SPOCK1: variants seen among roughly 807,000 people sequenced by gnomAD.
The protein encoded by SPOCK1 is SPARC (osteonectin), cwcv and kazal like domains proteoglycan 1, also known as testican-1.
A neutral mutation model predicts 55.3 loss-of-function variants in SPOCK1; 23 were observed. That is an observed-to-expected ratio of 0.42 (90% CI 0.30 to 0.59). SPOCK1 has a LOEUF of 0.59. SPOCK1 is among the 20% of genes least tolerant of loss of function. The pLI, the probability that SPOCK1 is intolerant of heterozygous loss-of-function variation, is 0.22. For missense variants in SPOCK1, 499 were observed against 552.5 expected (o/e 0.90, Z 0.97); for synonymous variants, 226 against 221.0 (o/e 1.02, Z -0.20).
chr5:137,374,849 T>C (rs542405517), intron 2 of SPOCK1, among the ~76,000 whole-genome samples: 1 of 152,246 alleles, frequency 6.6e-6, no homozygotes, highest in African/African-American at 2.4e-5. Context: ...TTTCCAAGAA[T>C]GTACAGCAAG....
intron 9 of SPOCK1, among the ~76,000 whole-genome samples, chr5:136,981,808 G>A (rs1214138842): frequency 2.0e-5 from 3 of 152,180 alleles, no homozygotes; most frequent in Non-Finnish European, 4.4e-5. Context: ...TAGGTTTCAG[G>A]AAGTGGTATG....
chr5:137,301,987 C>G (rs1385571695), intron 2 of SPOCK1, among the ~76,000 whole-genome samples: 3 of 152,212 alleles, frequency 2.0e-5, no homozygotes, highest in African/African-American at 7.2e-5. Flanking sequence ...CATGGCGCTT[C>G]TAAAACAATG....
chr5:137,383,682 A>G (rs892790015), intron 2 of SPOCK1, among the ~76,000 whole-genome samples: 2 of 152,200 alleles, frequency 1.3e-5, no homozygotes, highest in African/African-American at 4.8e-5. Context: ...TGAGATGGAA[A>G]TGATTGATGG....
At chr5:137,150,199 C>T (rs991726954) in intron 3 of SPOCK1, among the ~76,000 whole-genome samples, 20 of 152,158 alleles carry the variant, frequency 1.3e-4, no homozygotes, top group African/African-American at 4.6e-4. Flanking sequence ...TTTTCAACAT[C>T]AAGCATGGGG....
intron 3 of SPOCK1, among the ~76,000 whole-genome samples, chr5:137,195,235 C>A (rs967116261): frequency 5.3e-5 from 8 of 152,308 alleles, no homozygotes; most frequent in Admixed American, 4.6e-4. Context: ...TTTCCAACTC[C>A]CTCTACTCGC....
chr5:137,427,584 T>C (rs942267033), intron 2 of SPOCK1, among the ~76,000 whole-genome samples: 2 of 151,992 alleles, frequency 1.3e-5, no homozygotes, highest in East Asian at 1.9e-4. Flanking sequence ...CCACTCTGGG[T>C]TGGAACCCAG....
At chr5:137,205,092 C>T (rs1158233461) in intron 3 of SPOCK1, among the ~76,000 whole-genome samples, 2 of 152,170 alleles carry the variant, frequency 1.3e-5, no homozygotes, top group Admixed American at 6.5e-5. Flanking sequence ...GAAGTTGATG[C>T]TCCTTTTGCT....
intron 6 of SPOCK1, among the ~76,000 whole-genome samples, chr5:137,039,045 G>A (rs1751938629): frequency 1.3e-5 from 2 of 151,962 alleles, no homozygotes; most frequent in African/African-American, 4.8e-5. Context: ...GATCGTGGTG[G>A]TGGTAATAAT....
rs535949115 is a variant in SPOCK1 at position 136,980,484 on chromosome 5, GGGAGGTAATTGAACA to G, written c.992-1030_992-1016del. The stretch of plus-strand genomic sequence containing the variant: ...CCACGTGTTGTGGGAGGGACCCTGT[GGGAGGTAATTGAACA>G]GGAGGTAATTGAATCATGGGGGCGA... On this transcript the variant is annotated intron_variant, in intron 9 of 10. Coordinates refer to ENST00000394945, the MANE Select transcript of SPOCK1 (RefSeq NM_004598.4). 1.8e-4 allele frequency among the ~76,000 whole-genome samples: 28 copies of G among 152,294 alleles called. No individual in the cohort carries two copies. The South Asian group carries it at 4.3e-3, about 24-fold the overall frequency.
chr5:137,164,017 T>C (rs1016711856), intron 3 of SPOCK1, among the ~76,000 whole-genome samples: 8 of 152,226 alleles, frequency 5.3e-5, no homozygotes, highest in African/African-American at 1.7e-4. Context: ...TAAATGCTTA[T>C]ATGCTGTTAA....
intron 6 of SPOCK1, among the ~76,000 whole-genome samples, chr5:136,995,194 C>G (rs1751018678): frequency 6.6e-6 from 1 of 152,168 alleles, no homozygotes; most frequent in African/African-American, 2.4e-5. Context: ...TCTGGAGCAT[C>G]ATCATGATAT....
intron 4 of SPOCK1, among the ~76,000 whole-genome samples, chr5:137,120,302 C>T (rs984047528): frequency 6.6e-6 from 1 of 152,136 alleles, no homozygotes; most frequent in Non-Finnish European, 1.5e-5. Context: ...TAAGCACCTT[C>T]AAAACTCCTA....
chr5:136,994,985 A>T (rs1363755597), intron 6 of SPOCK1, among the ~76,000 whole-genome samples: 1 of 152,098 alleles, frequency 6.6e-6, no homozygotes, highest in African/African-American at 2.4e-5. Flanking sequence ...AGCCTGGGCA[A>T]AAAGAGCAGA....
intron 4 of SPOCK1, among the ~76,000 whole-genome samples, chr5:137,130,694 A>G (rs376059387): frequency 8.5e-5 from 13 of 152,216 alleles, no homozygotes; most frequent in African/African-American, 2.9e-4. Flanking sequence ...CTTCAGGTCA[A>G]TGTCACTGTT....
intron 2 of SPOCK1, among the ~76,000 whole-genome samples, chr5:137,395,510 C>T (rs1751824699): frequency 6.6e-6 from 1 of 152,116 alleles, no homozygotes; most frequent in African/African-American, 2.4e-5. Flanking sequence ...TGAATCTTCC[C>T]CACATCTCAT....
At chr5:137,078,356 C>T (rs942911585) in intron 5 of SPOCK1, among the ~76,000 whole-genome samples, 1 of 152,200 alleles carries the variant, frequency 6.6e-6, no homozygotes, top group East Asian at 1.9e-4. Context: ...ACCCAGCCCA[C>T]ACTAAGCCTC....
chr5:137,299,462 A>T (rs1490284365), intron 2 of SPOCK1, among the ~76,000 whole-genome samples: 3 of 151,856 alleles, frequency 2.0e-5, no homozygotes, highest in African/African-American at 7.2e-5. Flanking sequence ...ATATTTATAT[A>T]TAAATTTATG....
At chr5:137,278,357 G>T (rs2127123624) in intron 2 of SPOCK1, among the ~76,000 whole-genome samples, 1 of 152,304 alleles carries the variant, frequency 6.6e-6, no homozygotes, top group Non-Finnish European at 1.5e-5. Flanking sequence ...TTTGAAATTT[G>T]CAATTTTGGA....
At chr5:137,229,548 G>A (rs752786575) in intron 3 of SPOCK1, among the ~76,000 whole-genome samples, 134 of 152,172 alleles carry the variant, frequency 8.8e-4, no homozygotes, top group Non-Finnish European at 1.6e-3. Flanking sequence ...TGCTAGAAAG[G>A]TGGATGGCTA....
Sources: gnomAD v4.1 joint callset for allele counts (sites outside exome capture counted in the v4.1 genomes callset) on GRCh38, gnomAD v4.1.1 for gene constraint, MANE v1.5 for transcripts, NCBI Gene and HGNC (gene_info 2026-07-23, HGNC 2026-07-21) for gene names.